OR51B5: variants seen among roughly 807,000 people sequenced by gnomAD.
OR51B5 encodes olfactory receptor family 51 subfamily B member 5, also known as olfactory receptor 51B5.
For synonymous variants in OR51B5, 186 were observed against 144.8 expected (o/e 1.28, Z -2.04); for missense variants, 456 against 374.6 (o/e 1.22, Z -1.79).
rs192723134 is a variant in OR51B5 at position 5,484,603 on chromosome 11, T to C, written n.84+20966A>G. ...CAATGCATTATGATAATATCTAATT[T>C]TATATAGTACTCCACAAAGACATGT... On this transcript the variant is annotated intron_variant and non_coding_transcript_variant, in intron 1 of 4. Coordinates refer to the OR51B5 transcript ENST00000415970. Among the ~76,000 whole-genome samples, 36 of 152,278 alleles carry C rather than the reference T, an allele frequency of 2.4e-4. No individual in the cohort carries two copies. In the South Asian group the frequency reaches 3.7e-3, roughly 16 times the overall value.
At chr11:5,409,361 C>T (rs1236874183) in intron 1 of OR51B5, among the ~76,000 whole-genome samples, 1 of 151,870 alleles carries the variant, frequency 6.6e-6, no homozygotes, top group African/African-American at 2.4e-5. Flanking sequence ...ACCAGCAGAA[C>T]AGAAAAGAAC....
chr11:5,412,872 C>T (rs148485266), intron 1 of OR51B5, among the ~76,000 whole-genome samples: 1,842 of 151,968 alleles, frequency 0.012, 43 homozygotes, highest in African/African-American at 0.042. Flanking sequence ...AGGGCACAGA[C>T]AAACAAGAAA....
chr11:5,406,841 G>A (rs895131155), intron 1 of OR51B5, among the ~76,000 whole-genome samples: 1 of 152,042 alleles, frequency 6.6e-6, no homozygotes, highest in African/African-American at 2.4e-5. Context: ...CAATTTAAAA[G>A]TAATAGATGA....
At chr11:5,436,861 G>GC (rs1850602313) in intron 1 of OR51B5, among the ~76,000 whole-genome samples, 1 of 151,186 alleles carries the variant, frequency 6.6e-6, no homozygotes, top group South Asian at 2.1e-4. Context: ...CCTTGAGGGA[G>GC]CTTTGTGAAG....
chr11:5,361,866 C>T lies in OR51B5; in HGVS notation n.85-14956G>A, dbSNP rs115110932. On this transcript the variant is annotated intron_variant and non_coding_transcript_variant, in intron 1 of 4. Transcript: ENST00000415970. Reference sequence around the variant, plus strand: ...TTCCTTTGTTGCTCTCTTCGGGCTGCATAAACCAGCTTCCTCTTTGCCTCT... The same window carrying T: ...TTCCTTTGTTGCTCTCTTCGGGCTGTATAAACCAGCTTCCTCTTTGCCTCT... 3.9e-3 allele frequency among the ~76,000 whole-genome samples: 596 copies of T among 152,276 alleles called. 2 individuals carry two copies. The highest frequency in any genetic ancestry group is 0.01 in the African/African-American group (425 of 41,552).
intron 1 of OR51B5, among the ~76,000 whole-genome samples, chr11:5,465,161 C>T (rs1171684647): frequency 7.1e-6 from 1 of 140,780 alleles, no homozygotes; most frequent in Non-Finnish European, 1.5e-5. Flanking sequence ...AGCCGAGATC[C>T]CGCCACTGCA....
At chr11:5,382,671 AC>A (rs1367007004) in intron 1 of OR51B5, among the ~76,000 whole-genome samples, 3 of 152,176 alleles carry the variant, frequency 2.0e-5, no homozygotes, top group Non-Finnish European at 4.4e-5. Flanking sequence ...TTCCTATTGT[AC>A]CGAAGCCAGA....
At chr11:5,422,870 C>T (rs1431486941) in intron 1 of OR51B5, 3 of 1,614,104 alleles carry the variant, frequency 1.9e-6, no homozygotes, top group East Asian at 4.5e-5. Context: ...TACACTTATT[C>T]TGAAAAATAT....
chr11:5,384,920 A>C (rs1016634045), intron 1 of OR51B5, among the ~76,000 whole-genome samples: 2 of 152,186 alleles, frequency 1.3e-5, no homozygotes, highest in Non-Finnish European at 1.5e-5. Context: ...AAAATGAATA[A>C]TCTGGTTCAA....
intron 1 of OR51B5, chr11:5,392,210 C>G (rs749355230): frequency 6.6e-6 from 1 of 152,218 alleles, no homozygotes; most frequent in Non-Finnish European, 1.5e-5. Flanking sequence ...GACTCTCAGG[C>G]TTGGGAGCCC....
chr11:5,426,078 A>T (rs1564809836), intron 1 of OR51B5, among the ~76,000 whole-genome samples: 1 of 152,214 alleles, frequency 6.6e-6, no homozygotes. Context: ...GAATGAATCC[A>T]AAATGCATAT....
intron 1 of OR51B5, among the ~76,000 whole-genome samples, chr11:5,478,826 A>C (rs957566752): frequency 3.3e-4 from 50 of 150,546 alleles, no homozygotes; most frequent in African/African-American, 1.2e-3. Flanking sequence ...GAATAAAAAG[A>C]AATGAGCAAA....
chr11:5,491,588 G>A (rs1851581407), intron 1 of OR51B5, among the ~76,000 whole-genome samples: 1 of 152,192 alleles, frequency 6.6e-6, no homozygotes, highest in South Asian at 2.1e-4. Context: ...TTTCGAGGGG[G>A]CCTCAAAAGC....
At chr11:5,395,114 G>A (rs185339486) in intron 1 of OR51B5, among the ~76,000 whole-genome samples, 6 of 152,218 alleles carry the variant, frequency 3.9e-5, no homozygotes, top group Admixed American at 3.9e-4. Flanking sequence ...AAGATAACTG[G>A]GCATCTCAAA....
At chr11:5,498,031 A>T (rs1190546177) in intron 1 of OR51B5, among the ~76,000 whole-genome samples, 2 of 152,098 alleles carry the variant, frequency 1.3e-5, no homozygotes, top group Non-Finnish European at 2.9e-5. Context: ...TTCCACTCCC[A>T]CCTGCCCATT....
chr11:5,418,100 T>C (rs1330043064), intron 1 of OR51B5, among the ~76,000 whole-genome samples: 1 of 151,206 alleles, frequency 6.6e-6, no homozygotes, highest in East Asian at 2.0e-4. Flanking sequence ...TTCATGTCCT[T>C]TGTAGGGACA....
chr11:5,430,820 C>A (rs768639300), intron 1 of OR51B5: 1 of 457,410 alleles, frequency 2.2e-6, no homozygotes, highest in Non-Finnish European at 4.4e-6. Context: ...CGATGCATCA[C>A]AGACACCCCA....
chr11:5,340,338 TTTATTTA>T (rs1848874974), downstream of OR51B5: 1 of 151,688 alleles, frequency 6.6e-6, no homozygotes, highest in East Asian at 1.9e-4. Context: ...GAAGATTCTT[TTTATTTA>T]TTATCATTTC....
intron 1 of OR51B5, among the ~76,000 whole-genome samples, chr11:5,458,987 A>G (rs1464682868): frequency 6.6e-6 from 1 of 152,150 alleles, no homozygotes; most frequent in Non-Finnish European, 1.5e-5. Flanking sequence ...TTCCAATACT[A>G]TGCAGAGTAA....
Sources: gnomAD v4.1 joint callset for allele counts (sites outside exome capture counted in the v4.1 genomes callset) on GRCh38, gnomAD v4.1.1 for gene constraint, MANE v1.5 for transcripts, NCBI Gene and HGNC (gene_info 2026-07-23, HGNC 2026-07-21) for gene names.